The following HS1BP3 variants were observed in gnomAD, a reference collection of about 807,000 sequenced individuals.
HS1BP3 encodes the protein HCLS1-binding protein 3.
A neutral mutation model predicts 33.5 loss-of-function variants in HS1BP3; 32 were observed. The ratio of observed to expected loss-of-function variants is 0.95; its 90% confidence interval spans 0.72 to 1.28. The LOEUF (loss-of-function observed/expected upper bound fraction) is 1.28, where lower values mean the gene tolerates loss of function less well. HS1BP3 is among the 50% of genes most tolerant of loss of function. The pLI is 0.00. For synonymous variants in HS1BP3, 187 were observed against 209.2 expected, an observed-to-expected ratio of 0.89 and a Z score of 0.92; for missense variants, 486 against 502.3, an observed-to-expected ratio of 0.97 and a Z score of 0.31.
chr2:20,624,146 G>A, intron 5 of HS1BP3, 115 bp from the exon 6 acceptor site: 1 of 1,227,128 alleles, frequency 8.1e-7, no homozygotes, highest in South Asian at 1.4e-5. Context: ...AGGAATTGAT[G>A]CCTCTGCTCA....
At chr2:20,609,751 C>T (rs1694276729) in intron 2 of HS1BP3, among the ~76,000 whole-genome samples, 1 of 152,222 alleles carries the variant, frequency 6.6e-6, no homozygotes, top group Admixed American at 6.5e-5. Context: ...CAGTTGGTGC[C>T]AGGACTTCCA....
chr2:20,632,365 A>C (rs1694995953), intron 4 of HS1BP3, among the ~76,000 whole-genome samples: 2 of 152,214 alleles, frequency 1.3e-5, no homozygotes, highest in South Asian at 4.1e-4. Context: ...CTGTCCTTGC[A>C]GTGGGGAATG....
intron 5 of HS1BP3, among the ~76,000 whole-genome samples, chr2:20,578,576 G>T (rs1436382716): frequency 1.3e-5 from 2 of 152,216 alleles, no homozygotes; most frequent in African/African-American, 4.8e-5. Flanking sequence ...GTTCAGGCCA[G>T]ACCCTCTGGG....
chr2:20,590,561 C>T (rs921998926), downstream of HS1BP3, among the ~76,000 whole-genome samples: 2 of 152,242 alleles, frequency 1.3e-5, no homozygotes, highest in Non-Finnish European at 2.9e-5. Flanking sequence ...AGGTCACGTC[C>T]CCGTACTCCA....
At chr2:20,644,247 C>T (rs1171868698) in intron 2 of HS1BP3, among the ~76,000 whole-genome samples, 1 of 152,164 alleles carries the variant, frequency 6.6e-6, no homozygotes, top group African/African-American at 2.4e-5. Context: ...TCCTCTGACT[C>T]CGTAGATACC....
chr2:20,636,857 A>G (rs1695146603), intron 4 of HS1BP3: 1 of 152,220 alleles, frequency 6.6e-6, no homozygotes. Context: ...AAATTTACTT[A>G]TTATTCCTGA....
At chr2:20,601,822 AGGCTGGAGTGCAGTGGCGTGATCTC>A (rs1694078364) in intron 2 of HS1BP3, among the ~76,000 whole-genome samples, 1 of 110,426 alleles carries the variant, frequency 9.1e-6, no homozygotes, top group Admixed American at 1.5e-4. Context: ...TCTGTTGCCC[AGGCTGGAGTGCAGTGGCGTGATCTC>A]GGCTCACTGC....
chr2:20,557,300 C>T (rs116517025), downstream of HS1BP3, among the ~76,000 whole-genome samples: 1,392 of 152,298 alleles, frequency 9.1e-3, 23 homozygotes, highest in African/African-American at 0.032. Context: ...GATGTCCTGC[C>T]TTCCAGACAA....
chr2:20,623,466 GCCC>G, intron 6 of HS1BP3: 1 of 154,352 alleles, frequency 6.5e-6, no homozygotes, highest in Non-Finnish European at 1.4e-5. Context: ...TGCCGACCGG[GCCC>G]TCCGGCAGAG....
intron 1 of HS1BP3, among the ~76,000 whole-genome samples, chr2:20,646,305 T>C (rs1695518013): frequency 6.6e-6 from 1 of 152,132 alleles, no homozygotes; most frequent in Non-Finnish European, 1.5e-5. Context: ...GCTCTGACCA[T>C]CGAGGTGAGA....
chr2:20,580,946 A>G (rs778313337), intron 5 of HS1BP3, among the ~76,000 whole-genome samples: 2 of 152,232 alleles, frequency 1.3e-5, no homozygotes, highest in East Asian at 1.9e-4. Context: ...CCCAGACCCA[A>G]GGATACCACT....
chr2:20,596,789 T>C (rs901879464), intron 3 of HS1BP3, among the ~76,000 whole-genome samples: 8 of 152,138 alleles, frequency 5.3e-5, no homozygotes, highest in Non-Finnish European at 1.2e-4. Flanking sequence ...AGCACCCATT[T>C]CTCCGTTTGT....
Position 20,651,071 on chromosome 2 carries a change from G to C in HS1BP3, c.-8C>G. The C allele has an allele frequency of 8.1e-7, 1 of 1,233,050 alleles. No homozygotes were observed. The highest frequency in any genetic ancestry group is 1.0e-6 in the Non-Finnish European group (1 of 988,426). 76.4% of individuals were successfully genotyped at this position (1,233,050 alleles called of 1,614,324 possible). On this transcript the variant is annotated 5_prime_UTR_variant, in exon 1 of 7. Coordinates refer to ENST00000304031, the MANE Select transcript of HS1BP3 (RefSeq NM_022460.4). Reference sequence around the variant, plus strand: ...CACCGCCGGGGACTGCATGACGGCGGCGGGGACTCCGGGCGGGGCGCGCAG... The same window carrying C: ...CACCGCCGGGGACTGCATGACGGCGCCGGGGACTCCGGGCGGGGCGCGCAG...
chr2:20,606,326 C>T (rs1034569521), intron 2 of HS1BP3: 1 of 467,706 alleles, frequency 2.1e-6, no homozygotes, highest in African/African-American at 2.0e-5. Flanking sequence ...CTTGGTATTT[C>T]TGGTATAAAT....
chr2:20,618,753 C>T lies in HS1BP3; in HGVS notation c.*234G>A, dbSNP rs888071701. On this transcript the variant is annotated 3_prime_UTR_variant, in exon 7 of 7. Coordinates refer to ENST00000304031, the MANE Select transcript of HS1BP3 (RefSeq NM_022460.4). The stretch of plus-strand genomic sequence containing the variant: ...CCCTTCATGTCCACGGGGAATAAGA[C>T]ACATTGGGCTCTGGCTCCTAGGGTG... The T allele has an allele frequency of 5.9e-5, 79 of 1,343,352 alleles. No individual in the cohort carries two copies. Among genetic ancestry groups the T allele is most frequent in the Non-Finnish European group, 7.4e-5 (78 of 1,050,554 alleles). 83.2% of individuals were successfully genotyped at this position (1,343,352 alleles called of 1,614,324 possible). A position where few individuals can be genotyped will look rare whatever the true frequency, so the allele number is the denominator to read the frequency against.
At chr2:20,557,249 T>A (rs1692862721), downstream of HS1BP3, among the ~76,000 whole-genome samples, 1 of 152,200 alleles carries the variant, frequency 6.6e-6, no homozygotes, top group African/African-American at 2.4e-5. Flanking sequence ...GAAGCTAAGA[T>A]CTTATCATTG....
downstream of HS1BP3, among the ~76,000 whole-genome samples, chr2:20,559,176 C>T (rs1464511643): frequency 6.6e-6 from 1 of 152,218 alleles, no homozygotes; most frequent in Non-Finnish European, 1.5e-5. Flanking sequence ...TCTTGCACAG[C>T]TCACCCCACA....
At chr2:20,614,685 G>T (rs1694384997), downstream of HS1BP3, among the ~76,000 whole-genome samples, 1 of 152,254 alleles carries the variant, frequency 6.6e-6, no homozygotes, top group Non-Finnish European at 1.5e-5. Context: ...CAGTTGGCCT[G>T]GAGAGAGCTA....
chr2:20,588,034 A>T (rs1693724122), downstream of HS1BP3, among the ~76,000 whole-genome samples: 1 of 151,754 alleles, frequency 6.6e-6, no homozygotes, highest in Admixed American at 6.6e-5. Context: ...GATAGGAGGC[A>T]CTCTCATCCA....
Sources: gnomAD v4.1 joint callset for allele counts (sites outside exome capture counted in the v4.1 genomes callset) on GRCh38, gnomAD v4.1.1 for gene constraint, MANE v1.5 for transcripts, NCBI Gene and HGNC (gene_info 2026-07-23, HGNC 2026-07-21) for gene names.